PACRG: variants seen among roughly 807,000 people sequenced by gnomAD.
The protein encoded by PACRG is parkin coregulated.
PACRG carries 29 observed loss-of-function variants against 29.7 expected under a neutral mutation model. That is an observed-to-expected ratio of 0.98 (90% CI 0.73 to 1.33). PACRG has a LOEUF of 1.33. PACRG is among the 40% of genes most tolerant of loss of function. The pLI, the probability that PACRG is intolerant of heterozygous loss-of-function variation, is 0.00. For synonymous variants in PACRG, 116 were observed against 118.7 expected, an observed-to-expected ratio of 0.98 and a Z score of 0.15; for missense variants, 279 against 316.2, an observed-to-expected ratio of 0.88 and a Z score of 0.89.
chr6:163,193,961 C>T (rs1433590814), intron 4 of PACRG, among the ~76,000 whole-genome samples: 5 of 149,012 alleles, frequency 3.4e-5, no homozygotes, highest in African/African-American at 7.4e-5. Flanking sequence ...GCCGCGATCT[C>T]GGCTCAGTGC....
At chr6:162,902,073 T>C (rs1392051928) in intron 2 of PACRG, among the ~76,000 whole-genome samples, 2 of 152,244 alleles carry the variant, frequency 1.3e-5, no homozygotes, top group Non-Finnish European at 2.9e-5. Flanking sequence ...CGTTTTTTGT[T>C]TGTTTTGACA....
intron 4 of PACRG, among the ~76,000 whole-genome samples, chr6:163,292,828 T>G (rs1784661661): frequency 6.6e-6 from 1 of 152,186 alleles, no homozygotes; most frequent in Non-Finnish European, 1.5e-5. Flanking sequence ...CTAAACCAGA[T>G]TAGTTCAAAG....
At chr6:163,273,752 A>G (rs1783926691) in intron 4 of PACRG, among the ~76,000 whole-genome samples, 1 of 151,046 alleles carries the variant, frequency 6.6e-6, no homozygotes, top group Admixed American at 6.6e-5. Flanking sequence ...ATTTCACTAC[A>G]TTTTTGTCTT....
At chr6:163,286,697 T>C (rs1784411839) in intron 4 of PACRG, among the ~76,000 whole-genome samples, 1 of 152,218 alleles carries the variant, frequency 6.6e-6, no homozygotes, top group Non-Finnish European at 1.5e-5. Context: ...ACAGGCTCCT[T>C]ACTGAGTTCC....
At chr6:162,772,795 G>A (rs1783322479) in intron 1 of PACRG, among the ~76,000 whole-genome samples, 1 of 152,180 alleles carries the variant, frequency 6.6e-6, no homozygotes, top group African/African-American at 2.4e-5. Flanking sequence ...AAAAGAGGTG[G>A]CAGGAATAGA....
chr6:162,895,767 T>G (rs1403056458), intron 2 of PACRG, among the ~76,000 whole-genome samples: 1 of 152,090 alleles, frequency 6.6e-6, no homozygotes, highest in East Asian at 1.9e-4. Context: ...TTAATTGGAG[T>G]TATCTGATTA....
intron 2 of PACRG, among the ~76,000 whole-genome samples, chr6:162,973,141 TATG>T (rs1801668632): frequency 6.6e-6 from 1 of 152,220 alleles, no homozygotes; most frequent in East Asian, 1.9e-4. Flanking sequence ...TGGTGATTGC[TATG>T]GATTTTGAGT....
intron 3 of PACRG, among the ~76,000 whole-genome samples, chr6:163,070,034 A>G (rs912600783): frequency 8.5e-5 from 13 of 152,154 alleles, no homozygotes; most frequent in Admixed American, 4.6e-4. Flanking sequence ...CTGAAGGAAA[A>G]AACTTTTAAC....
rs186729960 is a variant in PACRG, at chr6:162,819,040, G to C, written c.291+4759G>C. Among the ~76,000 whole-genome samples, 304 of 152,296 alleles carry C rather than the reference G, an allele frequency of 2.0e-3. 1 individual carries two copies. The highest frequency in any genetic ancestry group is 7.0e-3 in the African/African-American group (293 of 41,566). On this transcript the variant is annotated intron_variant, in intron 2 of 4. Transcript: ENST00000366888. ...ATCAACCCACACCCGGCAATGTCAT[G>C]ATGGTCCTTGTCCAGAGTAGCAGAC...
At chr6:162,888,101 G>A (rs568749949) in intron 2 of PACRG, among the ~76,000 whole-genome samples, 6 of 152,044 alleles carry the variant, frequency 3.9e-5, no homozygotes, top group South Asian at 4.2e-4. Context: ...CATGGGCTGC[G>A]GGGTCTCGTC....
chr6:162,736,738 A>G (rs1486282609), intron 1 of PACRG, among the ~76,000 whole-genome samples: 1 of 151,606 alleles, frequency 6.6e-6, no homozygotes, highest in Non-Finnish European at 1.5e-5. Flanking sequence ...TATATTTTAT[A>G]TATTTTGAGA....
At chr6:163,138,569 C>T (rs1005678833) in intron 4 of PACRG, among the ~76,000 whole-genome samples, 3 of 152,184 alleles carry the variant, frequency 2.0e-5, no homozygotes, top group Non-Finnish European at 2.9e-5. Flanking sequence ...CCCTCACATG[C>T]GCAGTTCACA....
At chr6:163,231,060 A>C (rs180880314) in intron 4 of PACRG, among the ~76,000 whole-genome samples, 5 of 152,336 alleles carry the variant, frequency 3.3e-5, no homozygotes, top group African/African-American at 1.2e-4. Context: ...CTGGGCCAGC[A>C]GAGAAAGTGG....
intron 4 of PACRG, among the ~76,000 whole-genome samples, chr6:163,148,586 A>G (rs1158368763): frequency 6.6e-6 from 1 of 152,168 alleles, no homozygotes; most frequent in Admixed American, 6.5e-5. Flanking sequence ...TTCAGACTCA[A>G]GTAGTGGCAT....
At chr6:163,248,289 T>G (rs1184909405) in intron 4 of PACRG, among the ~76,000 whole-genome samples, 2 of 152,222 alleles carry the variant, frequency 1.3e-5, no homozygotes, top group Non-Finnish European at 2.9e-5. Context: ...CATTAGTAAT[T>G]GCTATTGTTT....
At chr6:163,144,324 C>A (rs1777700203) in intron 4 of PACRG, among the ~76,000 whole-genome samples, 3 of 138,890 alleles carry the variant, frequency 2.2e-5, no homozygotes, top group Admixed American at 2.2e-4. Context: ...GCATGAAAAG[C>A]AACACACATA....
chr6:162,947,264 C>A, intron 2 of PACRG, among the ~76,000 whole-genome samples: 1 of 135,020 alleles, frequency 7.4e-6, no homozygotes, highest in Admixed American at 7.9e-5. Context: ...CATATATAAT[C>A]TATATATAAC....
intron 3 of PACRG, among the ~76,000 whole-genome samples, chr6:163,075,211 T>C (rs1192759528): frequency 6.6e-6 from 1 of 152,004 alleles, no homozygotes; most frequent in East Asian, 1.9e-4. Flanking sequence ...AGAAAATAAG[T>C]TAAAATACAA....
rs141487356 is a variant in PACRG, at chr6:162,976,815, CACA to C, written c.292-85327_292-85325del. Among the ~76,000 whole-genome samples, 290 of 152,040 alleles carry C rather than the reference CACA, an allele frequency of 1.9e-3. 6 individuals are homozygous for C. In the East Asian group the frequency reaches 0.043, roughly 22 times the overall value. On this transcript the variant is annotated intron_variant, in intron 2 of 4. Coordinates refer to ENST00000366888, the MANE Select transcript of PACRG (RefSeq NM_001080379.2). The stretch of plus-strand genomic sequence containing the variant: ...ATTATTTTGTTATATAATTATGTCA[CACA>C]ACAACAAAATCAAGATATTCTAAAT...
Sources: allele counts gnomAD v4.1 joint callset (sites outside exome capture counted in the v4.1 genomes callset), GRCh38; gene constraint gnomAD v4.1.1; transcripts MANE v1.5; gene names NCBI Gene and HGNC (gene_info 2026-07-23, HGNC 2026-07-21).